Variants in PCNX1 observed in about 807,000 individuals in gnomAD.
The protein encoded by PCNX1 is pecanex 1.
Under a neutral mutation model 242.2 loss-of-function variants are expected in PCNX1, and 78 were observed. The ratio of observed to expected loss-of-function variants is 0.32; its 90% CI spans 0.27 to 0.39. PCNX1 has a LOEUF of 0.39. PCNX1 is among the 10% of genes least tolerant of loss of function. The pLI, the probability that PCNX1 is intolerant of heterozygous loss-of-function variation, is 1.00. For synonymous variants in PCNX1, 1,024 were observed against 1,032.9 expected, an observed-to-expected ratio of 0.99 and a Z score of 0.17; for missense variants, 2,581 against 2,856.5, an observed-to-expected ratio of 0.90 and a Z score of 2.20.
chr14:71,109,052 T>G lies in PCNX1; in HGVS notation c.6744+6T>G. The G allele has an allele frequency of 6.2e-7, 1 of 1,602,154 alleles. No homozygotes were observed. Among genetic ancestry groups the G allele is most frequent in the Non-Finnish European group, 8.5e-7 (1 of 1,172,882 alleles). On this transcript the variant is annotated splice_donor_region_variant and intron_variant, in intron 34 of 35. Coordinates refer to ENST00000304743, the MANE Select transcript of PCNX1 (RefSeq NM_014982.3). ...AAGTGATTTACAGAGTCCAAGTAAG[T>G]AAGCCCAGAGGTGGTCTTGTGCTGT...
At chr14:71,080,643 G>A (rs546301255) in intron 28 of PCNX1, among the ~76,000 whole-genome samples, 150 of 152,300 alleles carry the variant, frequency 9.8e-4, no homozygotes, top group African/African-American at 3.5e-3. Context: ...AATTGTGAAT[G>A]GAAGTTCACT....
At chr14:71,026,437 A>G (rs1048896895) in intron 14 of PCNX1, 149 bp downstream of exon 14, 18 of 503,236 alleles carry the variant, frequency 3.6e-5, no homozygotes, top group South Asian at 2.5e-4. Flanking sequence ...TGATAGGACT[A>G]TTATGAGTGA....
intron 1 of PCNX1, among the ~76,000 whole-genome samples, chr14:70,940,903 C>G (rs61988728): frequency 1.3e-5 from 2 of 152,154 alleles, no homozygotes; most frequent in Non-Finnish European, 2.9e-5. Context: ...CCCTTTCTTC[C>G]ACTTGATCGA....
Position 71,109,014 on chromosome 14 carries a change from T to C in PCNX1, c.6712T>C (p.Ser2238Pro). ...NTLSPANNSH[S>P]RKAEVIYRVQ... ...CTTAAGTCCTGCCAACAATTCACAC[T>C]CCAGAAAGGCAGAAGTGATTTACAG... The change falls in exon 34 of 36, where the codon TCC (serine) becomes CCC (proline). Residue 2238 changes from serine to proline, a missense_variant. Ser to Pro is a moderately conservative substitution (Grantham distance 74). Transcript: ENST00000304743. 1 of 1,613,612 alleles carries C rather than the reference T, an allele frequency of 6.2e-7. No homozygotes were observed. The highest frequency in any genetic ancestry group is 1.3e-5 in the African/African-American group (1 of 75,040).
At chr14:71,011,262 C>T (rs917677043) in intron 9 of PCNX1, among the ~76,000 whole-genome samples, 15 of 152,028 alleles carry the variant, frequency 9.9e-5, no homozygotes, top group African/African-American at 3.6e-4. Flanking sequence ...GAAGAGGAAA[C>T]GCAAGTATGA....
At chr14:71,048,011 T>C in intron 22 of PCNX1, 27 bp downstream of exon 22, 1 of 1,541,616 alleles carries the variant, frequency 6.5e-7, no homozygotes, top group Non-Finnish European at 8.9e-7. Flanking sequence ...AGGAATATCC[T>C]TATCTATAAA....
intron 6 of PCNX1, among the ~76,000 whole-genome samples, chr14:70,985,750 T>C (rs1166491295): frequency 6.6e-6 from 1 of 152,230 alleles, no homozygotes; most frequent in African/African-American, 2.4e-5. Flanking sequence ...GAGTGCTAAT[T>C]TTTCACTATC....
intron 26 of PCNX1, among the ~76,000 whole-genome samples, chr14:71,069,835 C>T (rs1360371323): frequency 6.6e-6 from 1 of 152,158 alleles, no homozygotes; most frequent in Non-Finnish European, 1.5e-5. Flanking sequence ...AAGGTTGGGG[C>T]AGCTTTGGCA....
At chr14:70,911,014 T>C (rs1329286984) in intron 1 of PCNX1, among the ~76,000 whole-genome samples, 2 of 152,146 alleles carry the variant, frequency 1.3e-5, no homozygotes, top group Non-Finnish European at 2.9e-5. Context: ...GGAAACATAC[T>C]AGTAAAAGGT....
chr14:71,055,750 A>G (rs977504493), intron 25 of PCNX1, among the ~76,000 whole-genome samples, 188 bp downstream of exon 25: 3 of 152,224 alleles, frequency 2.0e-5, no homozygotes, highest in African/African-American at 7.2e-5. Flanking sequence ...TTATATGCCC[A>G]TCTTTTTATA....
intron 12 of PCNX1, among the ~76,000 whole-genome samples, chr14:71,022,166 C>G (rs568593756): frequency 6.6e-6 from 1 of 152,194 alleles, no homozygotes; most frequent in South Asian, 2.1e-4. Flanking sequence ...AACAAGTAAC[C>G]CAGTCCCTTT....
chr14:70,912,476 C>T (rs769404252), intron 1 of PCNX1, among the ~76,000 whole-genome samples: 61 of 152,060 alleles, frequency 4.0e-4, no homozygotes, highest in Non-Finnish European at 7.8e-4. Context: ...TGCTACTCAA[C>T]GTACCTCTTG....
intron 1 of PCNX1, among the ~76,000 whole-genome samples, chr14:70,934,530 C>G (rs573178561): frequency 1.8e-4 from 27 of 152,284 alleles, no homozygotes; most frequent in Admixed American, 7.8e-4. Flanking sequence ...GATCCTCCCC[C>G]CTCAGCCTCC....
At chr14:71,107,521 T>C (rs984489065) in intron 33 of PCNX1, among the ~76,000 whole-genome samples, 1 of 152,160 alleles carries the variant, frequency 6.6e-6, no homozygotes, top group Non-Finnish European at 1.5e-5. Context: ...TATTTTTAGG[T>C]AAAAAGTACA....
At chr14:70,963,280 G>C (rs576846572) in intron 3 of PCNX1, among the ~76,000 whole-genome samples, 1 of 152,280 alleles carries the variant, frequency 6.6e-6, no homozygotes, top group South Asian at 2.1e-4. Flanking sequence ...TTCTTTTGCA[G>C]ATGAGTACTT....
chr14:70,962,259 C>T lies in PCNX1; in HGVS notation c.396C>T (p.Phe132=), dbSNP rs1388006359. ...GTGGAGGGATTGAAATGTCTGAGTT[C>T]ATCCGAGAGGCCACACCCCCAGTTG... is the stretch of plus-strand genomic sequence containing the variant. The part of the protein sequence containing the change: ...DPGGGIEMSE[F]IREATPPVGC... Residue 132 remains phenylalanine (F), a synonymous_variant, in exon 3 of 36, where the codon TTC becomes TTT. Transcript: ENST00000304743. 1.2e-5 allele frequency: 20 copies of T among 1,613,022 alleles called. No homozygotes were observed. Among genetic ancestry groups the T allele is most frequent in the Non-Finnish European group, 1.5e-5 (18 of 1,179,084 alleles).
rs1370377109 is a variant in PCNX1 at position 71,047,825 on chromosome 14, C to G, written c.4179C>G (p.Ile1393Met). The G allele has an allele frequency of 6.2e-7, 1 of 1,610,182 alleles. No homozygotes were observed. The highest frequency in any genetic ancestry group is 1.7e-5 in the Admixed American group (1 of 59,776). Residue 1393 changes from isoleucine (I) to methionine (M), a missense_variant, in exon 22 of 36, where the codon ATC (isoleucine) becomes ATG (methionine). Physicochemically the swap from Ile to Met is conservative, Grantham distance 10 (BLOSUM62 1). Around this residue, in one of 9 missense-constraint regions of PCNX1, gnomAD observed 432 missense variants for 443.1 expected, o/e 0.97. Transcript: ENST00000304743. ...KLNTELGALMITVAGLKLLRS... is the reference protein window; with the variant it reads ...KLNTELGALMMTVAGLKLLRS... ...GCCACAGATTAGGTGCTTTAATGAT[C>G]ACTGTTGCTGGTTTGAAGTTGCTAC... is the stretch of plus-strand genomic sequence containing the variant.
At chr14:70,910,792 G>T (rs764992165) in intron 1 of PCNX1, among the ~76,000 whole-genome samples, 2 of 152,214 alleles carry the variant, frequency 1.3e-5, no homozygotes, top group Non-Finnish European at 2.9e-5. Flanking sequence ...ACCTAGATTA[G>T]TGTAAAGCAC....
At chr14:70,995,664 T>C in intron 7 of PCNX1, 77 bp from the exon 8 acceptor site, 1 of 1,322,294 alleles carries the variant, frequency 7.6e-7, no homozygotes, top group Non-Finnish European at 1.1e-6. Context: ...AAATCAGTTT[T>C]CTATGTTGAC....
Sources: gnomAD v4.1 joint callset for allele counts (sites outside exome capture counted in the v4.1 genomes callset) on GRCh38, gnomAD v4.1.1 for gene constraint, gnomAD v4.1.1 regional missense constraint, MANE v1.5 for transcripts, NCBI Gene and HGNC (gene_info 2026-07-23, HGNC 2026-07-21) for gene names.